Variants in SLC25A52 observed in about 807,000 individuals in gnomAD.
The protein encoded by SLC25A52 is mitochondrial nicotinamide adenine dinucleotide transporter SLC25A52.
In SLC25A52, 12 loss-of-function variants were observed where a neutral mutation model predicts 17.7. The observed-to-expected ratio is 0.68, with a 90% CI of 0.43 to 1.10. The LOEUF is 1.10. Among genes scored for constraint, SLC25A52 ranks in the 50% least tolerant of loss-of-function variants. SLC25A52 has a pLI of 0.00. For synonymous variants in SLC25A52, 108 were observed against 135.1 expected (o/e 0.80, Z 1.39); for missense variants, 298 against 364.9 (o/e 0.82, Z 1.49).
chr18:31,760,514 G>A lies in SLC25A52; in HGVS notation c.148C>T (p.Pro50Ser). ...TGCCGAAAGAGGACCTTCTGAATGG[G>A]ATATGTGATTGCGACGTTGTTGAAG... ...AAFNNVAITY[P>S]IQKVLFRQQL... is the part of the protein sequence containing the mutation. Residue 50 changes from proline (P) to serine (S), a missense_variant, in exon 1 of 1, where the codon CCC becomes TCC. Transcript: ENST00000269205. The A allele has an allele frequency of 3.1e-6, 5 of 1,614,212 alleles. No homozygotes were observed. Among genetic ancestry groups the A allele is most frequent in the Non-Finnish European group, 4.2e-6 (5 of 1,180,038 alleles).
In SLC25A52 at chr18:31,759,763, T is replaced by A. The variant is rs755108434; in HGVS notation, c.*5A>T. ...GATAAATGGCACTTAACTGATGGTT[T>A]TTTTTCATATAAATTTTAACAAGAA... On this transcript the variant is annotated 3_prime_UTR_variant, in exon 1 of 1. Coordinates refer to ENST00000269205, the MANE Select transcript of SLC25A52 (RefSeq NM_001034172.4). 1.3e-6 allele frequency: 2 copies of A among 1,599,380 alleles called. No homozygotes were observed. Among genetic ancestry groups the A allele is most frequent in the Admixed American group, 1.8e-5 (1 of 56,656 alleles).
rs531306031 is a variant in SLC25A52, at chr18:31,760,801, A to C, written c.-140T>G. 2.7e-4 allele frequency: 328 copies of C among 1,209,084 alleles called. 6 individuals are homozygous for C. The South Asian group carries it at 4.8e-3, about 18-fold the overall frequency. The allele number at this position is 1,209,084 out of a possible 1,614,324, so 74.9% of individuals were successfully genotyped here. On this transcript the variant is annotated 5_prime_UTR_variant, in exon 1 of 1. Transcript: ENST00000269205. ...TGTTCTGTTAGGTTCTCTCTTCCCGAGTCCATTTTGATAACTGGATTTCCG... is the reference window on the plus strand; with the variant it reads ...TGTTCTGTTAGGTTCTCTCTTCCCGCGTCCATTTTGATAACTGGATTTCCG...
chr18:31,760,806 A>G lies in SLC25A52; in HGVS notation c.-145T>C. ...TGTTAGGTTCTCTCTTCCCGAGTCC[A>G]TTTTGATAACTGGATTTCCGTTCTC... is the stretch of plus-strand genomic sequence containing the variant. On this transcript the variant is annotated 5_prime_UTR_variant, in exon 1 of 1. An upstream start codon of the reference 5' UTR is lost. Coordinates refer to ENST00000269205, the MANE Select transcript of SLC25A52 (RefSeq NM_001034172.4). 2 of 1,177,032 alleles carry G rather than the reference A, an allele frequency of 1.7e-6. No homozygotes were observed. The highest frequency in any genetic ancestry group is 2.4e-6 in the Non-Finnish European group (2 of 842,166). The allele number at this position is 1,177,032 out of a possible 1,614,324, so 72.9% of individuals were successfully genotyped here.
chr18:31,759,949 C>T lies in SLC25A52; in HGVS notation c.713G>A (p.Arg238His), dbSNP rs1272398581. The T allele has an allele frequency of 1.2e-6, 2 of 1,611,498 alleles. No individual in the cohort carries two copies. Among genetic ancestry groups the T allele is most frequent in the Admixed American group, 1.7e-5 (1 of 59,914 alleles). ...TTCCCCACCAATCTGAGACTGTAGG[C>T]GAGTTTTTACAACATTAATTGGAAA... ...LCFPINVVKT[R>H]LQSQIGGEFQ... The change falls in exon 1 of 1, where the codon CGC becomes CAC. Residue 238 changes from arginine to histidine, a missense_variant. Physicochemically the swap from Arg to His is conservative, Grantham distance 29. Transcript: ENST00000269205.
chr18:31,760,867 C>G lies in SLC25A52; in HGVS notation c.-206G>C, dbSNP rs565986182. The G allele has an allele frequency of 5.2e-5, 41 of 783,412 alleles. No individual in the cohort carries two copies. In the South Asian group the frequency reaches 7.9e-4, roughly 15 times the overall value. 48.5% of individuals were successfully genotyped at this position (783,412 alleles called of 1,614,324 possible). On this transcript the variant is annotated 5_prime_UTR_variant, in exon 1 of 1. Coordinates refer to ENST00000269205, the MANE Select transcript of SLC25A52 (RefSeq NM_001034172.4). ...TTTCCCCAACCCATCGCCGCCGGCGCCCCGCAGGACTGCGAGCAAGCCGGG... is the reference window on the plus strand; with the variant it reads ...TTTCCCCAACCCATCGCCGCCGGCGGCCCGCAGGACTGCGAGCAAGCCGGG...
Position 31,760,843 on chromosome 18 carries a change from T to G in SLC25A52, c.-182A>C. The G allele has an allele frequency of 1.1e-6, 1 of 942,784 alleles. No homozygotes were observed. The highest frequency in any genetic ancestry group is 2.7e-5 in the East Asian group (1 of 37,186). The allele number at this position is 942,784 out of a possible 1,614,324, so 58.4% of individuals were successfully genotyped here. The stretch of plus-strand genomic sequence containing the variant: ...GGATTTCCGTTCTCCAGGCGTCCAT[T>G]TCCCCAACCCATCGCCGCCGGCGCC... On this transcript the variant is annotated 5_prime_UTR_variant, in exon 1 of 1. Transcript: ENST00000269205.
rs1228365183 is a variant in SLC25A52, at chr18:31,759,956, T to A, written c.706A>T (p.Lys236Ter). 6.2e-7 allele frequency: 1 copy of A among 1,611,712 alleles called. No individual in the cohort carries two copies. Among genetic ancestry groups the A allele is most frequent in the African/African-American group, 1.3e-5 (1 of 74,770 alleles). The change falls in exon 1 of 1, where the codon AAA becomes TAA. Residue 236 changes from lysine to a stop codon, truncating the protein, a stop_gained. Coordinates refer to ENST00000269205, the MANE Select transcript of SLC25A52 (RefSeq NM_001034172.4). LOFTEE classifies it high-confidence loss of function. The stretch of plus-strand genomic sequence containing the variant: ...CCAATCTGAGACTGTAGGCGAGTTT[T>A]TACAACATTAATTGGAAAACACAAG... ...GFLCFPINVVKTRLQSQIGGE... is the reference protein window; with the variant it reads ...GFLCFPINVV
chr18:31,760,209 A>G lies in SLC25A52; in HGVS notation c.453T>C (p.His151=), dbSNP rs749421103. 2 of 1,613,996 alleles carry G rather than the reference A, an allele frequency of 1.2e-6. No individual in the cohort carries two copies. Among genetic ancestry groups the G allele is most frequent in the South Asian group, 1.1e-5 (1 of 91,082 alleles). Residue 151 remains histidine, a synonymous_variant, in exon 1 of 1, where the codon CAT becomes CAC. Coordinates refer to ENST00000269205, the MANE Select transcript of SLC25A52 (RefSeq NM_001034172.4). ...CCTGATAAGTGTTGGTAAATTTGTC[A>G]TGATGCTTGTGGTTTTGAAGCAATG... The part of the protein sequence containing the change: ...VQTLLQNHKH[H]DKFTNTYQAF...
chr18:31,760,086 G>A lies in SLC25A52; in HGVS notation c.576C>T (p.Gly192=). 1 of 1,611,942 alleles carries A rather than the reference G, an allele frequency of 6.2e-7. No individual in the cohort carries two copies. Among genetic ancestry groups the A allele is most frequent in the Non-Finnish European group, 8.5e-7 (1 of 1,179,844 alleles). The stretch of plus-strand genomic sequence containing the variant: ...GATGCTCCTTAATGGGACCTCGAAG[G>A]CCGAAAAACAAGACATTGCTGAGTC... ...RNGLSNVLFF[G]LRGPIKEHLP... Residue 192 remains glycine, a synonymous_variant, in exon 1 of 1, where the codon GGC becomes GGT. Transcript: ENST00000269205.
In SLC25A52 at chr18:31,760,564, T is replaced by C; in HGVS notation, c.98A>G (p.His33Arg). 6.2e-7 allele frequency: 1 copy of C among 1,613,348 alleles called. No individual in the cohort carries two copies. The highest frequency in any genetic ancestry group is 8.5e-7 in the Non-Finnish European group (1 of 1,180,006). ...PHITNVGEMK[H>R]YLCGCCAAFN... is the part of the protein sequence containing the mutation. The stretch of plus-strand genomic sequence containing the variant: ...GGCTGCACAGCAGCCACACAAGTAA[T>C]GCTTCATTTCACCAACATTTGTAAT... Residue 33 changes from histidine to arginine, a missense_variant, in exon 1 of 1, where the codon CAT (histidine) becomes CGT (arginine). By Grantham distance (29) the His-to-Arg change is conservative. Coordinates refer to ENST00000269205, the MANE Select transcript of SLC25A52 (RefSeq NM_001034172.4).
rs2031482774 is a variant in SLC25A52, at chr18:31,760,075, G to A, written c.587C>T (p.Pro196Leu). Residue 196 changes from proline (P) to leucine (L), a missense_variant, in exon 1 of 1, where the codon CCC becomes CTC. By Grantham distance (98) the Pro-to-Leu change is moderately conservative (BLOSUM62 -3). Transcript: ENST00000269205. ...SNVLFFGLRG[P>L]IKEHLPTATT... ...TGCGGTAGGCAGATGCTCCTTAATG[G>A]GACCTCGAAGGCCGAAAAACAAGAC... 4.3e-6 allele frequency: 7 copies of A among 1,611,904 alleles called. No homozygotes were observed. In the East Asian group the frequency reaches 1.1e-4, roughly 26 times the overall value.
chr18:31,760,289 C>G lies in SLC25A52; in HGVS notation c.373G>C (p.Ala125Pro). 1 of 1,614,050 alleles carries G rather than the reference C, an allele frequency of 6.2e-7. No individual in the cohort carries two copies. The highest frequency in any genetic ancestry group is 8.5e-7 in the Non-Finnish European group (1 of 1,179,896). Residue 125 changes from alanine to proline, a missense_variant, in exon 1 of 1, where the codon GCA becomes CCA. Coordinates refer to ENST00000269205, the MANE Select transcript of SLC25A52 (RefSeq NM_001034172.4). ...APEFATHGVA[A>P]VLAGTAEAIF... The stretch of plus-strand genomic sequence containing the variant: ...GCTTCTGCTGTCCCTGCAAGCACTG[C>G]CGCCACGCCATGGGTTGCAAACTCT...
At position 31,760,003 on chromosome 18, in the gene SLC25A52, A is replaced by G; in HGVS notation, c.659T>C (p.Leu220Pro). The G allele has an allele frequency of 6.2e-7, 1 of 1,612,038 alleles. No homozygotes were observed. The highest frequency in any genetic ancestry group is 1.1e-5 in the South Asian group (1 of 90,986). ...HLVNDFIGGG[L>P]LGAMLGFLCF... ...CAAGAATCCCAACATGGCACCCAAT[A>G]GACCTCCACCGATAAAATCATTGAC... The change falls in exon 1 of 1, where the codon CTA (leucine) becomes CCA (proline). Residue 220 changes from leucine (L) to proline (P), a missense_variant. Physicochemically the swap from Leu to Pro is moderately conservative, Grantham distance 98. Coordinates refer to ENST00000269205, the MANE Select transcript of SLC25A52 (RefSeq NM_001034172.4).
Position 31,760,215 on chromosome 18 carries a change from C to T in SLC25A52, c.447G>A (p.Lys149=). Residue 149 remains lysine, a synonymous_variant, in exon 1 of 1, where the codon AAG becomes AAA. Transcript: ENST00000269205. ...AAGTGTTGGTAAATTTGTCATGATG[C>T]TTGTGGTTTTGAAGCAATGTCTGAA... The part of the protein sequence containing the change: ...ERVQTLLQNH[K]HHDKFTNTYQ... 1 of 1,613,958 alleles carries T rather than the reference C, an allele frequency of 6.2e-7. No homozygotes were observed. Among genetic ancestry groups the T allele is most frequent in the East Asian group, 2.2e-5 (1 of 44,884 alleles).
In SLC25A52 at chr18:31,760,363, C is replaced by T. The variant is rs2031490100; in HGVS notation, c.299G>A (p.Gly100Asp). The T allele has an allele frequency of 6.2e-7, 1 of 1,614,038 alleles. No homozygotes were observed. Among genetic ancestry groups the T allele is most frequent in the South Asian group, 1.1e-5 (1 of 91,086 alleles). The part of the protein sequence containing the change: ...QKTTTLALMF[G>D]LYEDLSCLLR... ...AAGGCAGGATAAATCCTCATACAGA[C>T]CAAACATAAGTGCAAGCGTAGTTGT... The change falls in exon 1 of 1, where the codon GGT (glycine) becomes GAT (aspartate). Residue 100 changes from glycine to aspartate, a missense_variant. Coordinates refer to ENST00000269205, the MANE Select transcript of SLC25A52 (RefSeq NM_001034172.4).
rs2031470763 is a variant in SLC25A52, at chr18:31,759,665, T to G, written c.*103A>C. On this transcript the variant is annotated 3_prime_UTR_variant, in exon 1 of 1. Transcript: ENST00000269205. ...CCCGTAACTCACTGTGGCCTGGAGT[T>G]ATGACACGAACTTGTATTTGGCCAA... 1 of 1,364,206 alleles carries G rather than the reference T, an allele frequency of 7.3e-7. No homozygotes were observed. Among genetic ancestry groups the G allele is most frequent in the Non-Finnish European group, 9.9e-7 (1 of 1,005,196 alleles). 84.5% of individuals were successfully genotyped at this position (1,364,206 alleles called of 1,614,324 possible).
Position 31,760,253 on chromosome 18 carries a change from GA to G in SLC25A52, c.408del (p.Pro137HisfsTer28), listed in dbSNP as rs2031486347. 6.2e-7 allele frequency: 1 copy of G among 1,613,864 alleles called. No homozygotes were observed. The highest frequency in any genetic ancestry group is 8.5e-7 in the Non-Finnish European group (1 of 1,179,880). On this transcript the variant is annotated frameshift_variant, in exon 1 of 1. Coordinates refer to ENST00000269205, the MANE Select transcript of SLC25A52 (RefSeq NM_001034172.4). LOFTEE classifies it high-confidence loss of function. ...VLAGTAEAIF[T>X]PLERVQTLLQ... ...AGCAATGTCTGAACTCTTTCCAGTG[GA>G]GTGAAAATTGCTTCTGCTGTCCCTG...
chr18:31,759,845 G>A lies in SLC25A52; in HGVS notation c.817C>T (p.His273Tyr). The change falls in exon 1 of 1, where the codon CAT becomes TAT. Residue 273 changes from histidine to tyrosine, a missense_variant. By Grantham distance (83) the His-to-Tyr change is moderately conservative (BLOSUM62 2). Transcript: ENST00000269205. ...ATGAGGGACCGATGGTAATTCAGAT[G>A]GGCACCTCTGAAAAGATTTATCAGT... ...RKLINLFRGAHLNYHRSLISW... is the reference protein window; with the variant it reads ...RKLINLFRGAYLNYHRSLISW... 1 of 1,610,618 alleles carries A rather than the reference G, an allele frequency of 6.2e-7. No homozygotes were observed. Among genetic ancestry groups the A allele is most frequent in the Non-Finnish European group, 8.5e-7 (1 of 1,178,182 alleles).
Position 31,760,249 on chromosome 18 carries a change from A to G in SLC25A52, c.413T>C (p.Leu138Pro), listed in dbSNP as rs776486369. The G allele has an allele frequency of 2.5e-6, 4 of 1,613,838 alleles. No homozygotes were observed. Among genetic ancestry groups the G allele is most frequent in the Non-Finnish European group, 3.4e-6 (4 of 1,179,874 alleles). The change falls in exon 1 of 1, where the codon CTG (leucine) becomes CCG (proline). Residue 138 changes from leucine (L) to proline (P), a missense_variant. Transcript: ENST00000269205. ...TTGAAGCAATGTCTGAACTCTTTCC[A>G]GTGGAGTGAAAATTGCTTCTGCTGT... The part of the protein sequence containing the change: ...AGTAEAIFTP[L>P]ERVQTLLQNH...
Sources: allele counts gnomAD v4.1 joint callset, GRCh38; gene constraint gnomAD v4.1.1; transcripts MANE v1.5; gene names NCBI Gene and HGNC (gene_info 2026-07-23, HGNC 2026-07-21).